The following LDB3 variants were observed in gnomAD, a reference collection of about 807,000 sequenced individuals.
LDB3 encodes LIM domain-binding protein 3.
Under a neutral mutation model 69.0 loss-of-function variants are expected in LDB3, and 49 were observed. The observed-to-expected ratio is 0.71, with a 90% CI of 0.56 to 0.90. The LOEUF (loss-of-function observed/expected upper bound fraction) is 0.90, where lower values mean the gene tolerates loss of function less well. LDB3 is among the 40% of genes least tolerant of loss of function. LDB3 has a pLI of 0.00. For synonymous variants in LDB3, 387 were observed against 396.2 expected, an observed-to-expected ratio of 0.98 and a Z score of 0.28; for missense variants, 928 against 974.1, an observed-to-expected ratio of 0.95 and a Z score of 0.63.
At chr10:86,712,900 A>C (rs962753681) in intron 9 of LDB3, among the ~76,000 whole-genome samples, 14 of 152,082 alleles carry the variant, frequency 9.2e-5, no homozygotes, top group Admixed American at 9.2e-4. Flanking sequence ...TCTACTAAAA[A>C]AGTACAAAAA....
intron 12 of LDB3, among the ~76,000 whole-genome samples, chr10:86,722,094 G>A (rs1047811740): frequency 3.9e-5 from 6 of 152,220 alleles, no homozygotes; most frequent in Admixed American, 1.3e-4. Flanking sequence ...TGCAGAAGTT[G>A]TGAAGAAAAA....
At chr10:86,666,980 G>C, upstream of LDB3, 1 of 397,672 alleles carries the variant, frequency 2.5e-6, no homozygotes, top group Admixed American at 2.7e-5. Flanking sequence ...CATAAGGCTG[G>C]AGTTAGGGAT....
chr10:86,668,584 TCAGGGG>T lies in LDB3; in HGVS notation c.-24+24_-24+29del. 1.1e-6 allele frequency: 1 copy of T among 898,218 alleles called. No individual in the cohort carries two copies. The highest frequency in any genetic ancestry group is 1.9e-6 in the Non-Finnish European group (1 of 536,768). The allele number at this position is 898,218 out of a possible 1,614,324, so 55.6% of individuals were successfully genotyped here. On this transcript the variant is annotated intron_variant, in intron 1 of 13. Transcript: ENST00000361373. ...GGGACAGAACAGGCAAGGCTGGGGG[TCAGGGG>T]CAGGGGCAGAGGTGTGGACCGGGCA...
At chr10:86,716,270 A>G in intron 9 of LDB3, 57 bp from the exon 10 acceptor site, 3 of 1,589,390 alleles carry the variant, frequency 1.9e-6, no homozygotes, top group Admixed American at 1.7e-5. Flanking sequence ...AGTGAGGGGA[A>G]CTGGGAAGAA....
intron 7 of LDB3, among the ~76,000 whole-genome samples, chr10:86,700,505 G>A (rs996611189): frequency 2.3e-4 from 35 of 152,318 alleles, no homozygotes; most frequent in Admixed American, 1.3e-3. Context: ...CTGAGAAGCA[G>A]TTCACAAGGG....
intron 2 of LDB3, among the ~76,000 whole-genome samples, chr10:86,671,059 C>G (rs1008555109): frequency 7.0e-4 from 106 of 152,236 alleles, no homozygotes; most frequent in African/African-American, 2.4e-3. Flanking sequence ...GAACCCCACT[C>G]CCACCCCAGC....
intron 5 of LDB3, among the ~76,000 whole-genome samples, chr10:86,684,995 C>A (rs1051082428): frequency 3.9e-5 from 6 of 152,208 alleles, no homozygotes; most frequent in African/African-American, 1.4e-4. Context: ...CTTCTCCCTG[C>A]GCCTGCTCGC....
At chr10:86,718,351 G>T (rs1846951876) in intron 11 of LDB3, among the ~76,000 whole-genome samples, 1 of 152,244 alleles carries the variant, frequency 6.6e-6, no homozygotes, top group Non-Finnish European at 1.5e-5. Flanking sequence ...GTTCCACACA[G>T]CTTGAAGTGG....
Position 86,706,595 on chromosome 10 carries a change from G to C in LDB3, c.961G>C (p.Ala321Pro), listed in dbSNP as rs1846453093. ...CACCACCCCGCTGCTGCCCGCTTCT[G>C]CCCAGCCACCTGCTGCTGCCTCTCC... ...QATTPLLPAS[A>P]QPPAAASPSA... Residue 321 changes from alanine to proline, a missense_variant, in exon 8 of 14, where the codon GCC becomes CCC. By Grantham distance (27) the Ala-to-Pro change is conservative (BLOSUM62 -1). Coordinates refer to ENST00000361373, the MANE Select transcript of LDB3 (RefSeq NM_007078.3). The C allele has an allele frequency of 3.1e-6, 5 of 1,613,040 alleles. No homozygotes were observed. The African/African-American group carries it at 6.7e-5, about 22-fold the overall frequency.
intron 5 of LDB3, among the ~76,000 whole-genome samples, chr10:86,690,530 C>A (rs866442879): frequency 8.5e-5 from 13 of 152,380 alleles, no homozygotes; most frequent in Middle Eastern, 3.4e-3. Context: ...AGGGCAGCTC[C>A]ACCCAACCTC....
chr10:86,712,466 C>T (rs546708006), intron 9 of LDB3, among the ~76,000 whole-genome samples: 1 of 152,178 alleles, frequency 6.6e-6, no homozygotes, highest in Non-Finnish European at 1.5e-5. Flanking sequence ...AAGCGGGCAT[C>T]TGCTGTTGAG....
rs1382483899 is a variant in LDB3 at position 86,734,260 on chromosome 10, T to G, written c.*1284T>G. The G allele has an allele frequency of 6.6e-6, 1 of 152,224 alleles. No individual in the cohort carries two copies. The highest frequency in any genetic ancestry group is 1.5e-5 in the Non-Finnish European group (1 of 68,040). 9.4% of individuals were successfully genotyped at this position (152,224 alleles called of 1,614,324 possible). On this transcript the variant is annotated 3_prime_UTR_variant, in exon 14 of 14. Coordinates refer to ENST00000361373, the MANE Select transcript of LDB3 (RefSeq NM_007078.3). ...GTTGATCTAGCTATTATTTAAGTAT[T>G]TATTGAAGTAGAGGGGCCTTCAAAC...
chr10:86,712,598 C>G (rs1237366981), intron 9 of LDB3, among the ~76,000 whole-genome samples: 1 of 152,144 alleles, frequency 6.6e-6, no homozygotes, highest in Non-Finnish European at 1.5e-5. Flanking sequence ...TATTATCTGC[C>G]TCCTTGGATT....
intron 8 of LDB3, among the ~76,000 whole-genome samples, chr10:86,707,419 A>G (rs1404044362): frequency 6.6e-6 from 1 of 152,072 alleles, no homozygotes; most frequent in East Asian, 1.9e-4. Context: ...TGAAGGACAC[A>G]AGTATTGTGA....
intron 2 of LDB3, among the ~76,000 whole-genome samples, chr10:86,673,012 G>T (rs1363102995): frequency 1.3e-5 from 2 of 152,192 alleles, no homozygotes; most frequent in Non-Finnish European, 2.9e-5. Flanking sequence ...TCCAGAGGCT[G>T]CCCCTGACTG....
At chr10:86,682,242 G>T (rs1313543142) in intron 5 of LDB3, among the ~76,000 whole-genome samples, 17 of 152,176 alleles carry the variant, frequency 1.1e-4, no homozygotes, top group Admixed American at 1.1e-3. Context: ...CGTTCGAGAG[G>T]TGGAAAAGCG....
rs565248531 is a variant in LDB3, at chr10:86,697,029, A to G, written c.896+4458A>G. Among the ~76,000 whole-genome samples the G allele has an allele frequency of 3.9e-5, 6 of 152,256 alleles. No individual in the cohort carries two copies. In the South Asian group the frequency reaches 1.2e-3, roughly 32 times the overall value. ...GACAGAGACCCAGTATGCAGGATTC[A>G]AGGGGTAGAGAGAGACAGAGACTGC... On this transcript the variant is annotated intron_variant, in intron 7 of 13. Transcript: ENST00000361373.
At chr10:86,707,366 A>C (rs1846483329) in intron 8 of LDB3, among the ~76,000 whole-genome samples, 1 of 152,144 alleles carries the variant, frequency 6.6e-6, no homozygotes, top group South Asian at 2.1e-4. Flanking sequence ...CTTATTATAT[A>C]GAATTATGAT....
chr10:86,689,197 G>A (rs968478341), intron 5 of LDB3, among the ~76,000 whole-genome samples: 3 of 151,908 alleles, frequency 2.0e-5, no homozygotes, highest in African/African-American at 7.3e-5. Context: ...TCTTGTGTGC[G>A]CTGCCCCTCT....
Sources: allele counts gnomAD v4.1 joint callset (sites outside exome capture counted in the v4.1 genomes callset), GRCh38; gene constraint gnomAD v4.1.1; transcripts MANE v1.5; gene names NCBI Gene and HGNC (gene_info 2026-07-23, HGNC 2026-07-21).